Variants in FILIP1 observed in about 807,000 individuals in gnomAD.
FILIP1 encodes filamin-A-interacting protein 1.
FILIP1 carries 61 observed loss-of-function variants against 102.1 expected under a neutral mutation model. The observed-to-expected ratio is 0.60, with a 90% CI of 0.49 to 0.74. FILIP1 has a LOEUF of 0.74. Ranked by LOEUF, FILIP1 falls within the 30% of genes least tolerant of loss-of-function variation. The pLI is 0.00. For missense variants in FILIP1, 1,314 were observed against 1,441.2 expected, an observed-to-expected ratio of 0.91 and a Z score of 1.43; for synonymous variants, 491 against 526.9, an observed-to-expected ratio of 0.93 and a Z score of 0.93.
chr6:75,399,565 T>C (rs944678576), intron 2 of FILIP1, among the ~76,000 whole-genome samples: 20 of 152,190 alleles, frequency 1.3e-4, no homozygotes, highest in Non-Finnish European at 4.4e-5. Context: ...GAAAACAACG[T>C]GATGCCACAG....
intron 4 of FILIP1, among the ~76,000 whole-genome samples, chr6:75,317,059 C>T (rs1188659647): frequency 6.6e-6 from 1 of 152,198 alleles, no homozygotes; most frequent in Non-Finnish European, 1.5e-5. Flanking sequence ...TACTATGCCT[C>T]TATACTGTTA....
chr6:75,348,375 T>A (rs924194692), intron 4 of FILIP1, among the ~76,000 whole-genome samples: 6 of 152,208 alleles, frequency 3.9e-5, no homozygotes, highest in African/African-American at 1.4e-4. Context: ...ATAAAAAATA[T>A]TTTTGTCTTT....
chr6:75,453,699 C>G (rs1415587765), intron 1 of FILIP1, among the ~76,000 whole-genome samples: 1 of 152,090 alleles, frequency 6.6e-6, no homozygotes, highest in Non-Finnish European at 1.5e-5. Context: ...CTAGTCCTAG[C>G]TACTCTGGAG....
At chr6:75,310,617 G>A (rs1338843138) in intron 5 of FILIP1, among the ~76,000 whole-genome samples, 1 of 152,184 alleles carries the variant, frequency 6.6e-6, no homozygotes, top group South Asian at 2.1e-4. Context: ...TCAATACAGA[G>A]GGTAGGGCTA....
At chr6:75,472,517 A>G (rs1779362245) in intron 1 of FILIP1, among the ~76,000 whole-genome samples, 1 of 152,160 alleles carries the variant, frequency 6.6e-6, no homozygotes, top group African/African-American at 2.4e-5. Context: ...TAAAGGACTA[A>G]TTGAATTTGG....
chr6:75,395,113 T>G (rs1776415444), intron 2 of FILIP1, among the ~76,000 whole-genome samples: 1 of 152,136 alleles, frequency 6.6e-6, no homozygotes, highest in African/African-American at 2.4e-5. Flanking sequence ...CCATATTTGA[T>G]ATCAGAAAAA....
chr6:75,426,933 A>G (rs1456578456), intron 1 of FILIP1, among the ~76,000 whole-genome samples: 4 of 152,124 alleles, frequency 2.6e-5, no homozygotes, highest in Non-Finnish European at 4.4e-5. Context: ...TTATGTAACC[A>G]GTCCCGATGG....
chr6:75,364,674 T>C (rs1335383775), intron 2 of FILIP1, among the ~76,000 whole-genome samples: 1 of 152,132 alleles, frequency 6.6e-6, no homozygotes, highest in African/African-American at 2.4e-5. Context: ...TTCTAATCTT[T>C]TGGAGAAGGA....
chr6:75,436,924 T>C (rs777971113), intron 1 of FILIP1, among the ~76,000 whole-genome samples: 2 of 152,174 alleles, frequency 1.3e-5, no homozygotes, highest in Non-Finnish European at 2.9e-5. Flanking sequence ...CAGCATGACA[T>C]TACTGAACGC....
At chr6:75,369,653 A>G (rs931472120) in intron 2 of FILIP1, among the ~76,000 whole-genome samples, 1 of 152,140 alleles carries the variant, frequency 6.6e-6, no homozygotes, top group Non-Finnish European at 1.5e-5. Context: ...CTTCTTCCAC[A>G]CTTCTAAAAC....
intron 1 of FILIP1, among the ~76,000 whole-genome samples, chr6:75,449,540 AGG>A (rs762350757): frequency 1.3e-5 from 2 of 152,092 alleles, no homozygotes; most frequent in Non-Finnish European, 2.9e-5. Context: ...CCAGCTACTC[AGG>A]GGTTGAGGCA....
At chr6:75,350,320 C>T (rs916888670) in intron 4 of FILIP1, among the ~76,000 whole-genome samples, 1 of 151,290 alleles carries the variant, frequency 6.6e-6, no homozygotes, top group African/African-American at 2.4e-5. Context: ...GAATTCTTAT[C>T]TAAAACGTGA....
At chr6:75,440,613 C>T (rs1405101238) in intron 1 of FILIP1, among the ~76,000 whole-genome samples, 2 of 152,102 alleles carry the variant, frequency 1.3e-5, no homozygotes, top group Non-Finnish European at 2.9e-5. Flanking sequence ...GGGAAATGCC[C>T]CCACCAATTT....
Position 75,414,859 on chromosome 6 carries a change from C to G in FILIP1, c.114G>C (p.Lys38Asn), listed in dbSNP as rs1435671174. 8 of 1,613,752 alleles carry G rather than the reference C, an allele frequency of 5.0e-6. No individual in the cohort carries two copies. The East Asian group carries it at 1.6e-4, about 31-fold the overall frequency. ...GEKSLSEDAK[K>N]KKKSNRKEDD... ...CCTCCTTCCTATTTGATTTCTTCTT[C>G]TTTTTTGCATCTTCTGAGAGACTTT... The change falls in exon 2 of 6, where the codon AAG (lysine) becomes AAC (asparagine). Residue 38 changes from lysine (K) to asparagine (N), a missense_variant. By Grantham distance (94) the Lys-to-Asn change is moderately conservative (BLOSUM62 0). This residue lies in a region of FILIP1 where 494 missense variants were observed against 511.2 expected (regional missense o/e 0.97). Transcript: ENST00000237172.
At chr6:75,490,005 CAAAT>C (rs773272140) in intron 1 of FILIP1, among the ~76,000 whole-genome samples, 3 of 151,868 alleles carry the variant, frequency 2.0e-5, no homozygotes, top group African/African-American at 7.3e-5. Flanking sequence ...GAAGATTAGA[CAAAT>C]GAATGAAAAT....
chr6:75,488,079 T>C (rs541631119), intron 1 of FILIP1, among the ~76,000 whole-genome samples: 1 of 152,210 alleles, frequency 6.6e-6, no homozygotes, highest in South Asian at 2.1e-4. Flanking sequence ...AACACATAAA[T>C]CACCCAATAT....
chr6:75,326,083 T>C (rs1384664308), intron 4 of FILIP1, among the ~76,000 whole-genome samples: 1 of 139,490 alleles, frequency 7.2e-6, no homozygotes, highest in Non-Finnish European at 1.5e-5. Context: ...GATAGATAGA[T>C]AGATAGATAG....
chr6:75,444,010 T>C (rs78981371), intron 1 of FILIP1, among the ~76,000 whole-genome samples: 3,581 of 152,264 alleles, frequency 0.024, 141 homozygotes, highest in African/African-American at 0.081. Flanking sequence ...AGCACAGCAC[T>C]ATGCATGTAG....
At chr6:75,413,288 G>A (rs1777137368) in intron 2 of FILIP1, among the ~76,000 whole-genome samples, 1 of 152,100 alleles carries the variant, frequency 6.6e-6, no homozygotes, top group Non-Finnish European at 1.5e-5. Flanking sequence ...CTTTCGGCTG[G>A]GGGCAGCTTA....
Sources: gnomAD v4.1 joint callset for allele counts (sites outside exome capture counted in the v4.1 genomes callset) on GRCh38, gnomAD v4.1.1 for gene constraint, gnomAD v4.1.1 regional missense constraint, MANE v1.5 for transcripts, NCBI Gene and HGNC (gene_info 2026-07-23, HGNC 2026-07-21) for gene names.